Variants in PCSK6 observed in about 807,000 individuals in gnomAD.
PCSK6 encodes proprotein convertase subtilisin/kexin type 6, also known as paired basic amino acid cleaving enzyme 4.
Under a neutral mutation model 123.3 loss-of-function variants are expected in PCSK6, and 85 were observed. The ratio of observed to expected loss-of-function variants is 0.69; its 90% CI spans 0.58 to 0.83. The LOEUF (loss-of-function observed/expected upper bound fraction) is 0.83. Ranked by LOEUF, PCSK6 falls within the 40% of genes least tolerant of loss-of-function variation. The pLI, the probability that PCSK6 is intolerant of heterozygous loss-of-function variation, is 0.00. For missense variants in PCSK6, 1,191 were observed against 1,282.3 expected, an observed-to-expected ratio of 0.93 and a Z score of 1.09; for synonymous variants, 508 against 516.0, an observed-to-expected ratio of 0.98 and a Z score of 0.21.
intron 6 of PCSK6, among the ~76,000 whole-genome samples, chr15:101,399,159 C>A (rs989408089): frequency 6.6e-6 from 1 of 152,222 alleles, no homozygotes; most frequent in Non-Finnish European, 1.5e-5. Context: ...CCTCAGCCTC[C>A]CAAAGTGCTG....
At position 101,339,420 on chromosome 15, in the gene PCSK6, T is replaced by C. The variant is rs181854513; in HGVS notation, c.1859-7389A>G. ...TGAGATTTGGTGAACCAGCCACCCA[T>C]GGCTATGTTCAAGTTACAAAGGTTA... On this transcript the variant is annotated intron_variant, in intron 13 of 21. Coordinates refer to ENST00000611716, the MANE Select transcript of PCSK6 (RefSeq NM_002570.5). Among the ~76,000 whole-genome samples the C allele has an allele frequency of 7.0e-3, 1,069 of 152,300 alleles. 10 individuals carry two copies. Among genetic ancestry groups the C allele is most frequent in the South Asian group, 0.023 (110 of 4,824 alleles).
intron 1 of PCSK6, among the ~76,000 whole-genome samples, chr15:101,457,537 G>T (rs923395797): frequency 6.6e-6 from 1 of 152,268 alleles, no homozygotes; most frequent in Non-Finnish European, 1.5e-5. Flanking sequence ...TTTGTGGGGG[G>T]AAGTGCATTG....
intron 9 of PCSK6, among the ~76,000 whole-genome samples, chr15:101,389,212 A>C (rs1408998339): frequency 6.6e-6 from 1 of 152,196 alleles, no homozygotes; most frequent in East Asian, 1.9e-4. Context: ...TGAGCTGCCC[A>C]GTCCGTGGGA....
chr15:101,474,442 C>CTG (rs2057678986), intron 1 of PCSK6, among the ~76,000 whole-genome samples: 1 of 152,182 alleles, frequency 6.6e-6, no homozygotes, highest in Admixed American at 6.5e-5. Context: ...CGCAGCCTGC[C>CTG]TGACCCATCT....
At chr15:101,462,345 G>A (rs926743921) in intron 1 of PCSK6, among the ~76,000 whole-genome samples, 1 of 152,208 alleles carries the variant, frequency 6.6e-6, no homozygotes, top group African/African-American at 2.4e-5. Flanking sequence ...ATATCATAAA[G>A]ATACATTAGA....
Position 101,393,289 on chromosome 15 carries a change from T to C in PCSK6, c.1132A>G (p.Lys378Glu), listed in dbSNP as rs2042287910. The C allele has an allele frequency of 5.6e-6, 9 of 1,613,172 alleles. No individual in the cohort carries two copies. The highest frequency in any genetic ancestry group is 7.6e-6 in the Non-Finnish European group (9 of 1,179,694). ...GCACACTCTTCCAGGTACCAGGGCT[T>C]GTAGCCATTCTCGGTGGCGCTGCTG... is the stretch of plus-strand genomic sequence containing the variant. ...SVSSATENGYKPWYLEECAST... is the reference protein window; with the variant it reads ...SVSSATENGYEPWYLEECAST... The change falls in exon 8 of 22, where the codon AAG becomes GAG. Residue 378 changes from lysine (K) to glutamate (E), a missense_variant. Lys to Glu is a moderately conservative substitution (Grantham distance 56, BLOSUM62 1). This residue lies in a region of PCSK6 where 357 missense variants were observed against 484.5 expected (regional missense o/e 0.74). Coordinates refer to ENST00000611716, the MANE Select transcript of PCSK6 (RefSeq NM_002570.5).
rs111901027 is a variant in PCSK6, at chr15:101,354,440, T to A, written c.1858+11756A>T. 2.8e-3 allele frequency among the ~76,000 whole-genome samples: 426 copies of A among 152,366 alleles called. 3 individuals carry two copies. The highest frequency in any genetic ancestry group is 9.8e-3 in the African/African-American group (406 of 41,592). On this transcript the variant is annotated intron_variant, in intron 13 of 21. Transcript: ENST00000611716. ...AGTCAAACGTAAAAGAAACTACGTG[T>A]CTTTTTACACTTTAAACAAAGTGTA...
rs1332826908 is a variant in PCSK6 at position 101,364,777 on chromosome 15, C to T, written c.1858+1419G>A. The T allele has an allele frequency of 9.0e-6, 4 of 445,384 alleles. No homozygotes were observed. The East Asian group carries it at 1.2e-4, about 14-fold the overall frequency. 27.6% of individuals were successfully genotyped at this position (445,384 alleles called of 1,614,324 possible). ...CCAATCTCTACCAGAATTCCAACTA[C>T]CTTTTAAAAAAGAAATGTACAAGCT... On this transcript the variant is annotated intron_variant, in intron 13 of 21. Coordinates refer to ENST00000611716, the MANE Select transcript of PCSK6 (RefSeq NM_002570.5).
Position 101,417,980 on chromosome 15 carries a change from T to C in PCSK6, c.823+9912A>G, listed in dbSNP as rs552856551. Reference sequence around the variant, plus strand: ...AAACCTATTTTATTAAAAATAGAAATTTTTCATCAATCAAGGAAAAAAGAG... The same window carrying C: ...AAACCTATTTTATTAAAAATAGAAACTTTTCATCAATCAAGGAAAAAAGAG... On this transcript the variant is annotated intron_variant, in intron 6 of 21. Transcript: ENST00000611716. 2.6e-5 allele frequency among the ~76,000 whole-genome samples: 4 copies of C among 152,080 alleles called. No homozygotes were observed. The East Asian group carries it at 7.7e-4, about 29-fold the overall frequency.
chr15:101,459,611 G>A (rs536399093), intron 1 of PCSK6, among the ~76,000 whole-genome samples: 14 of 132,988 alleles, frequency 1.1e-4, no homozygotes, highest in Admixed American at 1.0e-3. Flanking sequence ...CATCACCATT[G>A]TGCCACGCCT....
intron 1 of PCSK6, among the ~76,000 whole-genome samples, chr15:101,483,537 G>A (rs2057943320): frequency 6.6e-6 from 1 of 152,126 alleles, no homozygotes; most frequent in African/African-American, 2.4e-5. Flanking sequence ...AAAACCCAAG[G>A]GAAAGCATGG....
intron 19 of PCSK6, chr15:101,313,773 G>C (rs1031262270): frequency 5.0e-6 from 2 of 402,824 alleles, no homozygotes; most frequent in East Asian, 4.6e-5. Context: ...GTGCCACGAT[G>C]ATGGGCCCTG....
intron 7 of PCSK6, 117 bp from the exon 8 acceptor site, chr15:101,393,541 A>G (rs1206101118): frequency 1.4e-6 from 1 of 723,260 alleles, no homozygotes; most frequent in East Asian, 2.8e-5. Flanking sequence ...AGAAGGTTGC[A>G]TTCAGACCAT....
intron 13 of PCSK6, among the ~76,000 whole-genome samples, chr15:101,343,215 G>T (rs955773336): frequency 1.9e-4 from 29 of 151,942 alleles, no homozygotes; most frequent in African/African-American, 6.8e-4. Flanking sequence ...ATAATCATGC[G>T]TTTTTCTTTC....
chr15:101,345,556 T>G (rs1348251335), intron 13 of PCSK6, among the ~76,000 whole-genome samples: 2 of 152,244 alleles, frequency 1.3e-5, no homozygotes, highest in Non-Finnish European at 2.9e-5. Context: ...TTATATGAAT[T>G]ACGACACACA....
At chr15:101,344,007 C>T (rs553570561) in intron 13 of PCSK6, among the ~76,000 whole-genome samples, 8 of 151,752 alleles carry the variant, frequency 5.3e-5, no homozygotes, top group South Asian at 2.1e-4. Context: ...ATGTGGGAGG[C>T]GGAGGTTGCA....
At chr15:101,404,179 A>G (rs1322542457) in intron 6 of PCSK6, among the ~76,000 whole-genome samples, 1 of 152,184 alleles carries the variant, frequency 6.6e-6, no homozygotes, top group Non-Finnish European at 1.5e-5. Flanking sequence ...ATAGAGCAAG[A>G]GCTCACCTCC....
intron 8 of PCSK6, among the ~76,000 whole-genome samples, chr15:101,391,716 G>C (rs377431346): frequency 6.6e-6 from 1 of 152,140 alleles, no homozygotes; most frequent in Non-Finnish European, 1.5e-5. Context: ...GTGATATGTC[G>C]ACTATCCTGA....
At chr15:101,405,487 C>T (rs942165551) in intron 6 of PCSK6, among the ~76,000 whole-genome samples, 2 of 152,110 alleles carry the variant, frequency 1.3e-5, no homozygotes, top group Non-Finnish European at 2.9e-5. Context: ...GGGAAGAACT[C>T]GGGGTGCTAT....
Sources: gnomAD v4.1 joint callset for allele counts (sites outside exome capture counted in the v4.1 genomes callset) on GRCh38, gnomAD v4.1.1 for gene constraint, gnomAD v4.1.1 regional missense constraint, MANE v1.5 for transcripts, NCBI Gene and HGNC (gene_info 2026-07-23, HGNC 2026-07-21) for gene names.